The following ANKHD1 variants were observed in gnomAD, a reference collection of about 807,000 sequenced individuals.
ANKHD1 encodes ankyrin repeat and KH domain containing 1.
A neutral mutation model predicts 230.5 loss-of-function variants in ANKHD1; 31 were observed. The ratio of observed to expected loss-of-function variants is 0.13; its 90% CI spans 0.10 to 0.18. The LOEUF (loss-of-function observed/expected upper bound fraction) is 0.18, where lower values mean the gene tolerates loss of function less well. Ranked by LOEUF, ANKHD1 falls within the 10% of genes least tolerant of loss-of-function variation. The pLI is 1.00. For synonymous variants in ANKHD1, 1,074 were observed against 1,117.6 expected, an observed-to-expected ratio of 0.96 and a Z score of 0.78; for missense variants, 2,256 against 3,071.3, an observed-to-expected ratio of 0.73 and a Z score of 6.27.
chr5:140,431,981 A>G (rs1038163463), intron 1 of ANKHD1, among the ~76,000 whole-genome samples: 3 of 152,144 alleles, frequency 2.0e-5, no homozygotes, highest in East Asian at 1.9e-4. Flanking sequence ...CAGGCAGGCA[A>G]TGAACAGTCT....
rs749613730 is a variant in ANKHD1 at position 140,526,047 on chromosome 5, T to C, written c.4544T>C (p.Ile1515Thr). ...CCTAGTGCAACCACCACCACTACGA[T>C]TGGAATCTCTGCAACATCTGCAACA... is the stretch of plus-strand genomic sequence containing the variant. ...EPPSATTTTT[I>T]GISATSATFT... The change falls in exon 26 of 34, where the codon ATT becomes ACT. Residue 1515 changes from isoleucine to threonine, a missense_variant. Coordinates refer to ENST00000360839, the MANE Select transcript of ANKHD1 (RefSeq NM_017747.3). The C allele has an allele frequency of 9.3e-6, 15 of 1,607,668 alleles. No homozygotes were observed. Among genetic ancestry groups the C allele is most frequent in the Non-Finnish European group, 1.2e-5 (14 of 1,178,376 alleles).
At chr5:140,411,713 G>A (rs866888695) in intron 1 of ANKHD1, among the ~76,000 whole-genome samples, 2 of 151,430 alleles carry the variant, frequency 1.3e-5, no homozygotes, top group Non-Finnish European at 2.9e-5. Context: ...TAGTAGAGAT[G>A]GGGTTTCACC....
At chr5:140,455,666 C>T (rs1458918314) in intron 7 of ANKHD1, among the ~76,000 whole-genome samples, 1 of 152,222 alleles carries the variant, frequency 6.6e-6, no homozygotes, top group Middle Eastern at 3.4e-3. Context: ...ATTCAACAAC[C>T]CTTCATGCTA....
At chr5:140,533,775 C>CAAA (rs1167136822) in intron 29 of ANKHD1, among the ~76,000 whole-genome samples, 34 of 29,590 alleles carry the variant, frequency 1.1e-3, no homozygotes, top group Middle Eastern at 0.015. Context: ...GACCCTGTCT[C>CAAA]AAAAAAAAAA....
intron 24 of ANKHD1, among the ~76,000 whole-genome samples, chr5:140,517,519 A>C (rs1268128194): frequency 7.3e-6 from 1 of 137,022 alleles, no homozygotes; most frequent in African/African-American, 2.7e-5. Flanking sequence ...ACCTATTCCA[A>C]AATTGACCAC....
In ANKHD1 at chr5:140,539,527, A is replaced by G. The variant is rs1754213251; in HGVS notation, c.*109A>G. ...AGAAATTTTCTCTGAGGCTTTAGCA[A>G]TGGAAATTTGATTGCCCATTGTATA... On this transcript the variant is annotated 3_prime_UTR_variant, in exon 34 of 34. Coordinates refer to ENST00000360839, the MANE Select transcript of ANKHD1 (RefSeq NM_017747.3). The G allele has an allele frequency of 3.2e-6, 4 of 1,267,114 alleles. No homozygotes were observed. Among genetic ancestry groups the G allele is most frequent in the East Asian group, 2.4e-5 (1 of 42,228 alleles). 78.5% of individuals were successfully genotyped at this position (1,267,114 alleles called of 1,614,324 possible). A position where few individuals can be genotyped will look rare whatever the true frequency, so the allele number is the denominator to read the frequency against.
In ANKHD1 at chr5:140,438,012, C is replaced by T. The variant is rs1351709659; in HGVS notation, c.461-449C>T. Among the ~76,000 whole-genome samples, 4 of 151,756 alleles carry T rather than the reference C, an allele frequency of 2.6e-5. No individual in the cohort carries two copies. In the South Asian group the frequency reaches 6.2e-4, roughly 24 times the overall value. On this transcript the variant is annotated intron_variant, in intron 2 of 33. Transcript: ENST00000360839. ...AATGAATTTAATTTAAAATGTTGCC[C>T]CAGAAGATGGTTGTGACCAAAGGAA...
At chr5:140,469,820 G>A (rs946393200) in intron 10 of ANKHD1, among the ~76,000 whole-genome samples, 3 of 150,646 alleles carry the variant, frequency 2.0e-5, no homozygotes, top group Non-Finnish European at 3.0e-5. Flanking sequence ...ATATATATAT[G>A]TGTATATATG....
At chr5:140,510,427 C>T (rs888987837) in intron 22 of ANKHD1, among the ~76,000 whole-genome samples, 1 of 151,062 alleles carries the variant, frequency 6.6e-6, no homozygotes, top group African/African-American at 2.4e-5. Context: ...ATTCTCCTGC[C>T]TCAGCCTCCT....
chr5:140,432,824 C>T (rs1773149174), intron 1 of ANKHD1, among the ~76,000 whole-genome samples: 1 of 152,060 alleles, frequency 6.6e-6, no homozygotes, highest in South Asian at 2.1e-4. Flanking sequence ...CCACCTCAGC[C>T]TCATGAGTAG....
At position 140,523,076 on chromosome 5, in the gene ANKHD1, GT is replaced by G. The variant is rs561647520; in HGVS notation, c.4318-979del. Among the ~76,000 whole-genome samples, 677 of 93,950 alleles carry G rather than the reference GT, an allele frequency of 7.2e-3. 4 individuals carry two copies. Among genetic ancestry groups the G allele is most frequent in the African/African-American group, 0.018 (463 of 25,538 alleles). 61.6% of individuals were successfully genotyped at this position (93,950 alleles called of 152,430 possible). The stretch of plus-strand genomic sequence containing the variant: ...GTGTATATTTAAAATGTATAACTTG[GT>G]TTTTTTTTTTAATTAATTTTTTTCT... On this transcript the variant is annotated intron_variant, in intron 24 of 33. Transcript: ENST00000360839.
chr5:140,521,506 G>A (rs1223289536), intron 24 of ANKHD1, among the ~76,000 whole-genome samples: 3 of 151,992 alleles, frequency 2.0e-5, no homozygotes, highest in Non-Finnish European at 4.4e-5. Flanking sequence ...TCTATAAATA[G>A]GAAAGAATCA....
chr5:140,493,485 A>G (rs1374054650), intron 14 of ANKHD1, among the ~76,000 whole-genome samples: 1 of 152,226 alleles, frequency 6.6e-6, no homozygotes, highest in African/African-American at 2.4e-5. Context: ...CTGGTATCTT[A>G]TAATACTACT....
Position 140,528,225 on chromosome 5 carries a change from A to T in ANKHD1, c.5279A>T (p.Asn1760Ile). 1 of 1,612,740 alleles carries T rather than the reference A, an allele frequency of 6.2e-7. No individual in the cohort carries two copies. Among genetic ancestry groups the T allele is most frequent in the Non-Finnish European group, 8.5e-7 (1 of 1,179,806 alleles). The change falls in exon 29 of 34, where the codon AAT becomes ATT. Residue 1760 changes from asparagine (N) to isoleucine (I), a missense_variant. Coordinates refer to ENST00000360839, the MANE Select transcript of ANKHD1 (RefSeq NM_017747.3). ...ESTRYAVQLINALIQDPAKEL... is the reference protein window; with the variant it reads ...ESTRYAVQLIIALIQDPAKEL... ...ACAAGATATGCAGTTCAACTAATCA[A>T]TGCACTCATTCAAGATCCTGCTAAG...
chr5:140,435,914 C>A (rs1015287675), intron 1 of ANKHD1, among the ~76,000 whole-genome samples, 190 bp from the exon 2 acceptor site: 2 of 152,136 alleles, frequency 1.3e-5, no homozygotes, highest in African/African-American at 4.8e-5. Context: ...GTGTGTTATA[C>A]CTGTAGTCAT....
chr5:140,464,640 G>A, intron 9 of ANKHD1, 27 bp from the exon 10 acceptor site: 2 of 1,514,782 alleles, frequency 1.3e-6, no homozygotes, highest in Non-Finnish European at 1.8e-6. Context: ...AGTTCACAAA[G>A]TAAATGTATG....
chr5:140,452,341 A>G (rs1013852320), intron 7 of ANKHD1, among the ~76,000 whole-genome samples: 2 of 152,326 alleles, frequency 1.3e-5, no homozygotes, highest in South Asian at 4.1e-4. Context: ...GCAGACTTAA[A>G]TGTCCCTGTC....
At chr5:140,422,467 C>G (rs1341658958) in intron 1 of ANKHD1, among the ~76,000 whole-genome samples, 1 of 152,076 alleles carries the variant, frequency 6.6e-6, no homozygotes, top group Non-Finnish European at 1.5e-5. Flanking sequence ...TTAGAGCCTA[C>G]TATTTGTTAA....
Position 140,538,127 on chromosome 5 carries a change from C to T in ANKHD1, c.7270C>T (p.Pro2424Ser). 1 of 1,613,936 alleles carries T rather than the reference C, an allele frequency of 6.2e-7. No homozygotes were observed. The highest frequency in any genetic ancestry group is 8.5e-7 in the Non-Finnish European group (1 of 1,179,912). ...GTCGCAATCTGTGATGGGGAACCAT[C>T]CAATGCATCAACAATTATCAGACCC... is the stretch of plus-strand genomic sequence containing the variant. ...GWSQSVMGNH[P>S]MHQQLSDPST... Residue 2424 changes from proline to serine, a missense_variant, in exon 32 of 34, where the codon CCA (proline) becomes TCA (serine). Pro to Ser is a moderately conservative substitution (Grantham distance 74). Coordinates refer to ENST00000360839, the MANE Select transcript of ANKHD1 (RefSeq NM_017747.3).
Sources: gnomAD v4.1 joint callset for allele counts (sites outside exome capture counted in the v4.1 genomes callset) on GRCh38, gnomAD v4.1.1 for gene constraint, MANE v1.5 for transcripts, NCBI Gene and HGNC (gene_info 2026-07-23, HGNC 2026-07-21) for gene names.